The following CDCP1 variants were observed in gnomAD, a reference collection of about 807,000 sequenced individuals.
CDCP1 encodes CUB domain-containing protein 1.
Under a neutral mutation model 60.2 loss-of-function variants are expected in CDCP1, and 29 were observed. The observed-to-expected ratio is 0.48, with a 90% CI of 0.36 to 0.66. The LOEUF is 0.66. CDCP1 is among the 30% of genes least tolerant of loss of function. The probability of loss-of-function intolerance (pLI) is 0.00; values close to 1 mark genes in which losing one functional copy is unlikely to be tolerated. For synonymous variants in CDCP1, 387 were observed against 431.1 expected (o/e 0.90, Z 1.27); for missense variants, 876 against 1,074.3 (o/e 0.82, Z 2.58).
rs956434539 is a variant in CDCP1, at chr3:45,083,454, T to C, written c.*2184A>G. The C allele has an allele frequency of 6.6e-6, 1 of 152,234 alleles. No individual in the cohort carries two copies. The highest frequency in any genetic ancestry group is 1.5e-5 in the Non-Finnish European group (1 of 68,042). 9.4% of individuals were successfully genotyped at this position (152,234 alleles called of 1,614,324 possible). The stretch of plus-strand genomic sequence containing the variant: ...CGGTGCATTTCCAAGGTGAATTCAT[T>C]GAATACAATGAAGTACATTTATTTT... On this transcript the variant is annotated 3_prime_UTR_variant, in exon 9 of 9. Coordinates refer to ENST00000296129, the MANE Select transcript of CDCP1 (RefSeq NM_022842.5).
At position 45,112,204 on chromosome 3, in the gene CDCP1, G is replaced by A. The variant is rs1345604821; in HGVS notation, c.534C>T (p.Cys178=). Residue 178 remains cysteine, a synonymous_variant, in exon 3 of 9, where the codon TGC becomes TGT. Transcript: ENST00000296129. ...DATVVRIGTF[C]SNGTVSRIKM... is the part of the protein sequence containing the mutation. ...TGATCCGGGACACAGTGCCATTGCT[G>A]CAGAAGGTTCCGATCCTGACCACGG... The A allele has an allele frequency of 8.1e-6, 13 of 1,614,210 alleles. No homozygotes were observed. Among genetic ancestry groups the A allele is most frequent in the African/African-American group, 1.3e-5 (1 of 75,046 alleles).
At chr3:45,092,912 G>A (rs1169323031) in intron 6 of CDCP1, among the ~76,000 whole-genome samples, 1 of 152,196 alleles carries the variant, frequency 6.6e-6, no homozygotes, top group Non-Finnish European at 1.5e-5. Flanking sequence ...TCATAAAAAT[G>A]TCTGCCTAAG....
chr3:45,112,940 T>TA (rs1698725126), intron 2 of CDCP1, among the ~76,000 whole-genome samples: 1 of 152,190 alleles, frequency 6.6e-6, no homozygotes, highest in African/African-American at 2.4e-5. Context: ...ATCACTGACT[T>TA]AAACAAAAAA....
intron 1 of CDCP1, among the ~76,000 whole-genome samples, chr3:45,119,784 C>T (rs137869653): frequency 6.6e-6 from 1 of 152,302 alleles, no homozygotes; most frequent in African/African-American, 2.4e-5. Flanking sequence ...AATGTATACA[C>T]TCATGTGACC....
intron 4 of CDCP1, among the ~76,000 whole-genome samples, chr3:45,103,865 A>C (rs56062317): frequency 0.059 from 8,927 of 152,308 alleles, 467 homozygotes; most frequent in East Asian, 0.24. Flanking sequence ...TCGTGAGCCA[A>C]ATAAATCTCT....
At chr3:45,135,970 C>T (rs7611004) in intron 1 of CDCP1, among the ~76,000 whole-genome samples, 150,780 of 152,304 alleles carry the variant, frequency 0.99, 74,649 homozygotes, top group Middle Eastern at 1. Flanking sequence ...TAGGCCAAAA[C>T]CCCTAGGCCA....
chr3:45,135,025 G>A (rs1699169816), intron 1 of CDCP1, among the ~76,000 whole-genome samples: 1 of 152,218 alleles, frequency 6.6e-6, no homozygotes, highest in Non-Finnish European at 1.5e-5. Context: ...AGGTATGGAT[G>A]TGGAAGGTGT....
chr3:45,140,593 G>A (rs1187150323), intron 1 of CDCP1, among the ~76,000 whole-genome samples: 2 of 152,134 alleles, frequency 1.3e-5, no homozygotes, highest in East Asian at 3.9e-4. Context: ...ATACCAGCTA[G>A]GGAGCCCTGG....
Position 45,112,390 on chromosome 3 carries a change from C to A in CDCP1, c.348G>T (p.Ser116=). The stretch of plus-strand genomic sequence containing the variant: ...AAGTTCTGTTGAGGGTAGGCAACAA[C>A]GATGTCGAGGGCTGAAGCTGAACCT... ...FGEVQLQPST[S]LLPTLNRTFI... The change falls in exon 3 of 9, where the codon TCG becomes TCT. Residue 116 remains serine, a synonymous_variant. Transcript: ENST00000296129. The A allele has an allele frequency of 6.2e-7, 1 of 1,614,188 alleles. No homozygotes were observed. The highest frequency in any genetic ancestry group is 8.5e-7 in the Non-Finnish European group (1 of 1,180,038).
intron 1 of CDCP1, among the ~76,000 whole-genome samples, chr3:45,144,582 C>A (rs1047455189): frequency 1.3e-5 from 2 of 152,178 alleles, no homozygotes; most frequent in East Asian, 3.9e-4. Flanking sequence ...CTTCCCAGAT[C>A]ACAGGGAGAA....
chr3:45,143,291 A>T (rs577415973), intron 1 of CDCP1, among the ~76,000 whole-genome samples: 13 of 152,350 alleles, frequency 8.5e-5, no homozygotes, highest in Non-Finnish European at 1.6e-4. Flanking sequence ...AGTTGATACC[A>T]TTTTATAACC....
At position 45,108,299 on chromosome 3, in the gene CDCP1, G is replaced by C. The variant is rs533578374; in HGVS notation, c.1024+2174C>G. ...AGCCCAACCTAAATTTATCCCCAAA[G>C]ATATTTCTGCCGCCAAGTCCACTCA... On this transcript the variant is annotated intron_variant, in intron 4 of 8. Transcript: ENST00000296129. Among the ~76,000 whole-genome samples, 3 of 152,230 alleles carry C rather than the reference G, an allele frequency of 2.0e-5. No homozygotes were observed. In the South Asian group the frequency reaches 6.2e-4, roughly 32 times the overall value.
intron 1 of CDCP1, among the ~76,000 whole-genome samples, chr3:45,136,733 G>T (rs553192182): frequency 1.1e-4 from 16 of 152,188 alleles, no homozygotes; most frequent in Non-Finnish European, 2.4e-4. Flanking sequence ...TGAAGACGGG[G>T]TCTATACTTG....
intron 5 of CDCP1, 27 bp downstream of exon 5, chr3:45,095,320 G>A (rs1044797242): frequency 1.2e-6 from 2 of 1,600,262 alleles, no homozygotes; most frequent in African/African-American, 2.7e-5. Context: ...CATGGCCAGG[G>A]ACAAATGCAC....
chr3:45,127,449 TG>T (rs1559399336), intron 1 of CDCP1, among the ~76,000 whole-genome samples: 1 of 152,142 alleles, frequency 6.6e-6, no homozygotes, highest in Admixed American at 6.5e-5. Context: ...AACAAAGCAC[TG>T]GGAATGAAAG....
intron 2 of CDCP1, among the ~76,000 whole-genome samples, chr3:45,113,987 G>A (rs572904206): frequency 6.6e-6 from 1 of 152,314 alleles, no homozygotes; most frequent in Non-Finnish European, 1.5e-5. Flanking sequence ...TACTCTTGTG[G>A]AAACATTTAA....
At chr3:45,095,679 T>C in intron 4 of CDCP1, 111 bp from the exon 5 acceptor site, 1 of 777,656 alleles carries the variant, frequency 1.3e-6, no homozygotes, top group Non-Finnish European at 2.2e-6. Context: ...TATCAGACCA[T>C]GGATGGATAA....
chr3:45,108,015 A>G (rs1206395217), intron 4 of CDCP1, among the ~76,000 whole-genome samples: 3 of 151,894 alleles, frequency 2.0e-5, no homozygotes, highest in African/African-American at 7.3e-5. Flanking sequence ...CTACTCAAGA[A>G]GCTGAGGCAG....
At chr3:45,131,536 G>A (rs942588648) in intron 1 of CDCP1, among the ~76,000 whole-genome samples, 2 of 152,210 alleles carry the variant, frequency 1.3e-5, no homozygotes, top group African/African-American at 4.8e-5. Flanking sequence ...GAATCAGACA[G>A]TACTTGTCCT....
Sources: allele counts gnomAD v4.1 joint callset (sites outside exome capture counted in the v4.1 genomes callset), GRCh38; gene constraint gnomAD v4.1.1; transcripts MANE v1.5; gene names NCBI Gene and HGNC (gene_info 2026-07-23, HGNC 2026-07-21).